Variants in PPP1R13B observed in about 807,000 individuals in gnomAD.
PPP1R13B encodes protein phosphatase 1 regulatory subunit 13B, also known as apoptosis-stimulating of p53 protein 1.
In PPP1R13B, 44 loss-of-function variants were observed where a neutral mutation model predicts 119.8. The ratio of observed to expected loss-of-function variants is 0.37; its 90% CI spans 0.29 to 0.47. PPP1R13B has a LOEUF of 0.47. PPP1R13B is among the 20% of genes least tolerant of loss of function. The pLI, the probability that PPP1R13B is intolerant of heterozygous loss-of-function variation, is 0.99. For missense variants in PPP1R13B, 1,227 were observed against 1,413.5 expected, an observed-to-expected ratio of 0.87 and a Z score of 2.12; for synonymous variants, 542 against 561.5, an observed-to-expected ratio of 0.97 and a Z score of 0.49.
chr14:103,791,308 C>T (rs1398421434), intron 2 of PPP1R13B, among the ~76,000 whole-genome samples: 1 of 152,028 alleles, frequency 6.6e-6, no homozygotes, highest in Non-Finnish European at 1.5e-5. Context: ...ATTTAACAAA[C>T]ATCAAAGGCA....
intron 1 of PPP1R13B, among the ~76,000 whole-genome samples, chr14:103,798,610 G>A (rs1464949015): frequency 6.6e-6 from 1 of 152,084 alleles, no homozygotes; most frequent in Admixed American, 6.6e-5. Context: ...CCAGGAAAGT[G>A]TATTAATATA....
rs2084677605 is a variant in PPP1R13B at position 103,756,309 on chromosome 14, C to T, written c.456+1341G>A. ...TTCACCATGTTGGCCAGGCTGGTCT[C>T]GAACTCCTGACCTCAGATGATCCAC... is the stretch of plus-strand genomic sequence containing the variant. On this transcript the variant is annotated intron_variant, in intron 5 of 16. Transcript: ENST00000202556. Among the ~76,000 whole-genome samples the T allele has an allele frequency of 3.3e-5, 5 of 152,146 alleles. No homozygotes were observed. The South Asian group carries it at 6.2e-4, about 19-fold the overall frequency.
chr14:103,737,925 G>C, intron 14 of PPP1R13B, 65 bp from the exon 15 acceptor site: 2 of 1,512,180 alleles, frequency 1.3e-6, no homozygotes, highest in Non-Finnish European at 1.8e-6. Flanking sequence ...GTGGCCCTCA[G>C]AGATTTCCCT....
upstream of PPP1R13B, chr14:103,848,138 C>T: frequency 1.4e-6 from 1 of 702,520 alleles, no homozygotes; most frequent in Middle Eastern, 7.2e-4. Context: ...CCTTGGCTGG[C>T]ACCTGCTTCT....
chr14:103,834,114 C>T (rs1242894739), intron 1 of PPP1R13B, among the ~76,000 whole-genome samples: 1 of 152,220 alleles, frequency 6.6e-6, no homozygotes, highest in Non-Finnish European at 1.5e-5. Flanking sequence ...GTGGCTCACA[C>T]CTGTAATCCC....
At chr14:103,822,704 T>C (rs751980104) in intron 1 of PPP1R13B, among the ~76,000 whole-genome samples, 1 of 151,872 alleles carries the variant, frequency 6.6e-6, no homozygotes, top group Non-Finnish European at 1.5e-5. Context: ...TCCCAGCTAC[T>C]GGGGAGGCTG....
chr14:103,761,092 G>A (rs1257397463), intron 4 of PPP1R13B, among the ~76,000 whole-genome samples: 3 of 151,900 alleles, frequency 2.0e-5, no homozygotes, highest in South Asian at 2.1e-4. Context: ...TGGACAACAC[G>A]GTGAAACCTC....
intron 2 of PPP1R13B, among the ~76,000 whole-genome samples, chr14:103,793,364 G>C (rs1567128256): frequency 6.6e-6 from 1 of 151,192 alleles, no homozygotes; most frequent in African/African-American, 2.5e-5. Context: ...TCTCATGATA[G>C]TGAGTGAGTT....
rs372752639 is a variant in PPP1R13B at position 103,820,398 on chromosome 14, A to C, written c.10-22880T>G. Among the ~76,000 whole-genome samples, 17 of 151,996 alleles carry C rather than the reference A, an allele frequency of 1.1e-4. No individual in the cohort carries two copies. The East Asian group carries it at 3.3e-3, about 29-fold the overall frequency. ...TCATTTTCTCTCTCTTCTCAAAAATAGTGTTGTTATTGGCTTAGCACTCAG... is the reference window on the plus strand; with the variant it reads ...TCATTTTCTCTCTCTTCTCAAAAATCGTGTTGTTATTGGCTTAGCACTCAG... On this transcript the variant is annotated intron_variant, in intron 1 of 16. Transcript: ENST00000202556.
chr14:103,764,461 G>A, intron 4 of PPP1R13B: 1 of 351,458 alleles, frequency 2.8e-6, no homozygotes, highest in South Asian at 2.2e-5. Context: ...GTAACAGTAT[G>A]TTATCCCAGA....
At position 103,796,989 on chromosome 14, in the gene PPP1R13B, T is replaced by C. The variant is rs75768878; in HGVS notation, c.157+382A>G. Among the ~76,000 whole-genome samples the C allele has an allele frequency of 7.7e-3, 1,054 of 136,364 alleles. 9 individuals are homozygous for C. The highest frequency in any genetic ancestry group is 0.012 in the Non-Finnish European group (762 of 64,780). The allele number at this position is 136,364 out of a possible 152,430, so 89.5% of individuals were successfully genotyped here. On this transcript the variant is annotated intron_variant, in intron 2 of 16. Transcript: ENST00000202556. ...AAAAAACAAAAACAAAAACAGTTTG[T>C]ACATGAAAGTTCATAGGAGCATTAT...
At chr14:103,791,126 T>TC (rs71126069) in intron 2 of PPP1R13B, among the ~76,000 whole-genome samples, 5,341 of 141,442 alleles carry the variant, frequency 0.038, 272 homozygotes, top group African/African-American at 0.12. Context: ...TTTTTCTTCT[T>TC]TTTTTTTTTT....
chr14:103,827,873 C>T (rs2086585136), intron 1 of PPP1R13B, among the ~76,000 whole-genome samples: 1 of 151,984 alleles, frequency 6.6e-6, no homozygotes, highest in Admixed American at 6.6e-5. Flanking sequence ...CAGCATTTTC[C>T]TCTCCTAGTT....
At chr14:103,842,793 A>G (rs2086939802) in intron 1 of PPP1R13B, among the ~76,000 whole-genome samples, 1 of 150,570 alleles carries the variant, frequency 6.6e-6, no homozygotes, top group Non-Finnish European at 1.5e-5. Context: ...CTGGCCAAAC[A>G]TGGGGAAATT....
At chr14:103,778,241 C>CA (rs2085255369) in intron 4 of PPP1R13B, among the ~76,000 whole-genome samples, 1 of 148,298 alleles carries the variant, frequency 6.7e-6, no homozygotes, top group African/African-American at 2.5e-5. Flanking sequence ...AGGCATGAGC[C>CA]ACCACGCCTG....
intron 8 of PPP1R13B, among the ~76,000 whole-genome samples, chr14:103,748,791 G>A (rs2084464182): frequency 6.6e-6 from 1 of 152,202 alleles, no homozygotes; most frequent in Admixed American, 6.5e-5. Flanking sequence ...GACTACAGAG[G>A]GTGGTAAAGG....
At chr14:103,827,292 C>T (rs944685510) in intron 1 of PPP1R13B, among the ~76,000 whole-genome samples, 4 of 150,934 alleles carry the variant, frequency 2.7e-5, no homozygotes, top group African/African-American at 4.9e-5. Context: ...GCAGAGATCG[C>T]GCCACTGCAC....
At chr14:103,774,912 C>T (rs1567113247) in intron 4 of PPP1R13B, among the ~76,000 whole-genome samples, 1 of 152,166 alleles carries the variant, frequency 6.6e-6, no homozygotes, top group Admixed American at 6.6e-5. Flanking sequence ...GCTTCCAATC[C>T]TAAATTATTC....
intron 4 of PPP1R13B, among the ~76,000 whole-genome samples, chr14:103,775,670 T>C (rs527741897): frequency 1.3e-5 from 2 of 152,330 alleles, no homozygotes; most frequent in Admixed American, 6.5e-5. Flanking sequence ...GTTCCCAAGC[T>C]TGGCATGGCA....
Sources: allele counts gnomAD v4.1 joint callset (sites outside exome capture counted in the v4.1 genomes callset), GRCh38; gene constraint gnomAD v4.1.1; transcripts MANE v1.5; gene names NCBI Gene and HGNC (gene_info 2026-07-23, HGNC 2026-07-21).